Variants in NUPR1 observed in about 807,000 individuals in gnomAD.
The protein encoded by NUPR1 is nuclear protein 1.
In NUPR1, 8 loss-of-function variants were observed where a neutral mutation model predicts 7.3. The observed-to-expected ratio is 1.09, with a 90% CI of 0.64 to 1.97. NUPR1 has a LOEUF of 1.97. Among genes scored for constraint, NUPR1 ranks in the 30% most tolerant of loss-of-function variants. The pLI, the probability that NUPR1 is intolerant of heterozygous loss-of-function variation, is 0.00. For synonymous variants in NUPR1, 39 were observed against 44.5 expected (o/e 0.88, Z 0.49); for missense variants, 96 against 111.7 (o/e 0.86, Z 0.63).
chr16:28,538,133 G>A lies in NUPR1; in HGVS notation c.135C>T (p.Arg45=), dbSNP rs907247949. The A allele has an allele frequency of 1.2e-6, 2 of 1,614,088 alleles. No individual in the cohort carries two copies. The highest frequency in any genetic ancestry group is 2.7e-5 in the African/African-American group (2 of 74,932). Residue 45 remains arginine, a synonymous_variant, in exon 2 of 3, where the codon CGC becomes CGT. Transcript: ENST00000324873. ...TGTTGGCAGCAGCTTCTCTCTTGGT[G>A]CGACCTTTCCGGCCTCCACCTCCTG... is the stretch of plus-strand genomic sequence containing the variant. ...SYLGGGGRKG[R]TKREAAANTN... is the part of the protein sequence containing the mutation.
Position 28,532,937 on chromosome 16 carries a change from G to C in NUPR1, c.*4746C>G, listed in dbSNP as rs1296398120. 1 of 152,184 alleles carries C rather than the reference G, an allele frequency of 6.6e-6. No homozygotes were observed. Among genetic ancestry groups the C allele is most frequent in the African/African-American group, 2.4e-5 (1 of 41,446 alleles). 9.4% of individuals were successfully genotyped at this position (152,184 alleles called of 1,614,324 possible). A position where few individuals can be genotyped will look rare whatever the true frequency, so the allele number is the denominator to read the frequency against. On this transcript the variant is annotated 3_prime_UTR_variant, in exon 3 of 3. Transcript: ENST00000324873. Reference sequence around the variant, plus strand: ...AGTATGTCCTATTGGGTTATCGTAAGGATTAAATGGAGCAAAGCCTATAAA... The same window carrying C: ...AGTATGTCCTATTGGGTTATCGTAACGATTAAATGGAGCAAAGCCTATAAA...
At position 28,535,552 on chromosome 16, in the gene NUPR1, T is replaced by TTTCTTTCTTTCTTTCCTTCC. The variant is rs2046607794; in HGVS notation, c.*2130_*2131insGGAAGGAAAGAAAGAAAGAA. On this transcript the variant is annotated 3_prime_UTR_variant, in exon 3 of 3. Transcript: ENST00000324873. ...CTTTCTTTCTTTCTTTCCTTCTTTC[T>TTTCTTTCTTTCTTTCCTTCC]TTCTTTCTTTCCTTCCTTCCTTTCT... is the stretch of plus-strand genomic sequence containing the variant. 4 of 31,736 alleles carry TTTCTTTCTTTCTTTCCTTCC rather than the reference T, an allele frequency of 1.3e-4. No individual in the cohort carries two copies. Among genetic ancestry groups the TTTCTTTCTTTCTTTCCTTCC allele is most frequent in the African/African-American group, 3.1e-4 (4 of 12,858 alleles). 2.0% of individuals were successfully genotyped at this position (31,736 alleles called of 1,614,324 possible).
In NUPR1 at chr16:28,533,215, T is replaced by C. The variant is rs1304967444; in HGVS notation, c.*4468A>G. The stretch of plus-strand genomic sequence containing the variant: ...TCAGAAGGCATCCAATAAGCATTGA[T>C]TGAGTTAATATGTAACTTGTATGGA... On this transcript the variant is annotated 3_prime_UTR_variant, in exon 3 of 3. Transcript: ENST00000324873. 6.6e-6 allele frequency: 1 copy of C among 152,170 alleles called. No homozygotes were observed. The highest frequency in any genetic ancestry group is 6.6e-5 in the Admixed American group (1 of 15,250). 9.4% of individuals were successfully genotyped at this position (152,170 alleles called of 1,614,324 possible).
chr16:28,538,842 G>A lies in NUPR1; in HGVS notation c.66C>T (p.Ser22=). 1 of 1,613,248 alleles carries A rather than the reference G, an allele frequency of 6.2e-7. No homozygotes were observed. The highest frequency in any genetic ancestry group is 2.2e-5 in the East Asian group (1 of 44,818). The part of the protein sequence containing the change: ...QQPPGPEDED[S]SLDESDLYSL... ...TATAGAGGTCAGATTCATCCAGGCT[G>A]GAGTCCTCGTCCTCCGGGCCTGGGG... is the stretch of plus-strand genomic sequence containing the variant. The change falls in exon 1 of 3, where the codon TCC becomes TCT. Residue 22 remains serine (S), a synonymous_variant. Coordinates refer to ENST00000324873, the MANE Select transcript of NUPR1 (RefSeq NM_012385.3).
rs1555472555 is a variant in NUPR1, at chr16:28,535,571, C to CTTTCTTTCTTTCTTTCCTTCCTTTCTTT, written c.*2111_*2112insAAAGAAAGGAAGGAAAGAAAGAAAGAAA. On this transcript the variant is annotated 3_prime_UTR_variant, in exon 3 of 3. Transcript: ENST00000324873. ...TCTTTCTTTCTTTCTTTCCTTCCTT[C>CTTTCTTTCTTTCTTTCCTTCCTTTCTTT]CTTTCTTTCTTTCTTTCTTTCTTTC... The CTTTCTTTCTTTCTTTCCTTCCTTTCTTT allele has an allele frequency of 1.4e-5, 1 of 71,950 alleles. No homozygotes were observed. Among genetic ancestry groups the CTTTCTTTCTTTCTTTCCTTCCTTTCTTT allele is most frequent in the Non-Finnish European group, 2.6e-5 (1 of 38,506 alleles). 4.5% of individuals were successfully genotyped at this position (71,950 alleles called of 1,614,324 possible).
chr16:28,538,536 G>A (rs748128578), intron 1 of NUPR1: 40 of 614,314 alleles, frequency 6.5e-5, no homozygotes, highest in Non-Finnish European at 1.0e-4. Context: ...CACTGCAGGT[G>A]GTGTACACCT....
In NUPR1 at chr16:28,538,143, C is replaced by T. The variant is rs758872301; in HGVS notation, c.125G>A (p.Arg42Gln). The T allele has an allele frequency of 4.1e-5, 66 of 1,614,194 alleles. No homozygotes were observed. In the Admixed American group the frequency reaches 6.7e-4, roughly 16 times the overall value. Residue 42 changes from arginine to glutamine, a missense_variant, in exon 2 of 3, where the codon CGG becomes CAG. Physicochemically the swap from Arg to Gln is conservative, Grantham distance 43 (BLOSUM62 1). Coordinates refer to ENST00000324873, the MANE Select transcript of NUPR1 (RefSeq NM_012385.3). ...AGCTTCTCTCTTGGTGCGACCTTTCCGGCCTCCACCTCCTGTAACCAAGGC... is the reference window on the plus strand; with the variant it reads ...AGCTTCTCTCTTGGTGCGACCTTTCTGGCCTCCACCTCCTGTAACCAAGGC... ...LAHSYLGGGG[R>Q]KGRTKREAAA...
chr16:28,538,614 G>A (rs1265870806), intron 1 of NUPR1, 182 bp downstream of exon 1: 1 of 695,816 alleles, frequency 1.4e-6, no homozygotes. Context: ...AGGCTGCGGT[G>A]AGTTGTTTGA....
At chr16:28,538,651 C>T in intron 1 of NUPR1, 145 bp downstream of exon 1, 2 of 751,144 alleles carry the variant, frequency 2.7e-6, no homozygotes, top group Non-Finnish European at 4.8e-6. Context: ...TACTGCACTC[C>T]AGCCTGGGTG....
In NUPR1 at chr16:28,536,452, GGCAGAGGTTGCAGTGA is replaced by G. The variant is rs1326689616; in HGVS notation, c.*1215_*1230del. On this transcript the variant is annotated 3_prime_UTR_variant, in exon 3 of 3. Transcript: ENST00000324873. Reference sequence around the variant, plus strand: ...GCACGAGAATTGCTTGAACCCGGGAGGCAGAGGTTGCAGTGAGCCAAGATGGTGCCACTGCACTCTA... The same window carrying G: ...GCACGAGAATTGCTTGAACCCGGGAGGCCAAGATGGTGCCACTGCACTCTA... The G allele has an allele frequency of 6.6e-6, 1 of 152,242 alleles. No individual in the cohort carries two copies. Among genetic ancestry groups the G allele is most frequent in the Non-Finnish European group, 1.5e-5 (1 of 68,148 alleles). The allele number at this position is 152,242 out of a possible 1,614,324, so 9.4% of individuals were successfully genotyped here.
chr16:28,535,571 C>CCTTCCTTTCTTCCTTT lies in NUPR1; in HGVS notation c.*2111_*2112insAAAGGAAGAAAGGAAG, dbSNP rs71140975. 1 of 71,886 alleles carries CCTTCCTTTCTTCCTTT rather than the reference C, an allele frequency of 1.4e-5. No individual in the cohort carries two copies. Among genetic ancestry groups the CCTTCCTTTCTTCCTTT allele is most frequent in the Non-Finnish European group, 2.6e-5 (1 of 38,512 alleles). The allele number at this position is 71,886 out of a possible 1,614,324, so 4.5% of individuals were successfully genotyped here. A position where few individuals can be genotyped will look rare whatever the true frequency, so the allele number is the denominator to read the frequency against. The stretch of plus-strand genomic sequence containing the variant: ...TCTTTCTTTCTTTCTTTCCTTCCTT[C>CCTTCCTTTCTTCCTTT]CTTTCTTTCTTTCTTTCTTTCTTTC... On this transcript the variant is annotated 3_prime_UTR_variant, in exon 3 of 3. Transcript: ENST00000324873.
In NUPR1 at chr16:28,538,072, GTT is replaced by G; in HGVS notation, c.194_195del (p.Lys65ThrfsTer24). On this transcript the variant is annotated frameshift_variant, in exon 2 of 3. Transcript: ENST00000324873. LOFTEE classifies it high-confidence loss of function. ...TCTGAATTCTGCAGCTTGGTCACCA[GTT>G]TCCTCTCGTGCCCGCCAGGGCTGGG... Reference protein sequence around the residue: ...NRPSPGGHERKLVTKLQNSER... With the variant: ...NRPSPGGHERXLVTKLQNSER... The G allele has an allele frequency of 6.2e-7, 1 of 1,614,146 alleles. No individual in the cohort carries two copies. Among genetic ancestry groups the G allele is most frequent in the Non-Finnish European group, 8.5e-7 (1 of 1,180,032 alleles).
At chr16:28,538,209 C>A (rs771949373) in intron 1 of NUPR1, 54 bp from the exon 2 acceptor site, 1 of 1,612,048 alleles carries the variant, frequency 6.2e-7, no homozygotes, top group Admixed American at 1.7e-5. Context: ...GATGAGAGGC[C>A]CTGTCAGAGG....
In NUPR1 at chr16:28,536,147, G is replaced by A. The variant is rs1454432114; in HGVS notation, c.*1536C>T. ...AGGTGGGTGGATCATGAGGTCAAGA[G>A]ATTGAGACCATCCTGGCCAACATGG... On this transcript the variant is annotated 3_prime_UTR_variant, in exon 3 of 3. Coordinates refer to ENST00000324873, the MANE Select transcript of NUPR1 (RefSeq NM_012385.3). 6.6e-6 allele frequency: 1 copy of A among 152,200 alleles called. No homozygotes were observed. Among genetic ancestry groups the A allele is most frequent in the East Asian group, 1.9e-4 (1 of 5,156 alleles). The allele number at this position is 152,200 out of a possible 1,614,324, so 9.4% of individuals were successfully genotyped here.
rs1555472555 is a variant in NUPR1, at chr16:28,535,571, C to CTTTTCTTTCTTTCTTTCTTTT, written c.*2111_*2112insAAAAGAAAGAAAGAAAGAAAA. ...TCTTTCTTTCTTTCTTTCCTTCCTT[C>CTTTTCTTTCTTTCTTTCTTTT]CTTTCTTTCTTTCTTTCTTTCTTTC... is the stretch of plus-strand genomic sequence containing the variant. On this transcript the variant is annotated 3_prime_UTR_variant, in exon 3 of 3. Transcript: ENST00000324873. The CTTTTCTTTCTTTCTTTCTTTT allele has an allele frequency of 1.1e-4, 8 of 71,886 alleles. No individual in the cohort carries two copies. The highest frequency in any genetic ancestry group is 1.8e-4 in the Non-Finnish European group (7 of 38,512). The allele number at this position is 71,886 out of a possible 1,614,324, so 4.5% of individuals were successfully genotyped here. A position where few individuals can be genotyped will look rare whatever the true frequency, so the allele number is the denominator to read the frequency against.
rs1346466508 is a variant in NUPR1 at position 28,535,544 on chromosome 16, C to CTTCTTTCT, written c.*2131_*2138dup. ...CTTTCTTTCTTTCTTTCTTTCTTTC[C>CTTCTTTCT]TTCTTTCTTTCTTTCTTTCCTTCCT... On this transcript the variant is annotated 3_prime_UTR_variant, in exon 3 of 3. Transcript: ENST00000324873. 1.7e-5 allele frequency: 1 copy of CTTCTTTCT among 58,174 alleles called. No homozygotes were observed. Among genetic ancestry groups the CTTCTTTCT allele is most frequent in the South Asian group, 6.0e-4 (1 of 1,676 alleles). The allele number at this position is 58,174 out of a possible 1,614,324, so 3.6% of individuals were successfully genotyped here. A position where few individuals can be genotyped will look rare whatever the true frequency, so the allele number is the denominator to read the frequency against.
In NUPR1 at chr16:28,534,791, T is replaced by C. The variant is rs2151632984; in HGVS notation, c.*2892A>G. 1 of 152,308 alleles carries C rather than the reference T, an allele frequency of 6.6e-6. No homozygotes were observed. Among genetic ancestry groups the C allele is most frequent in the Non-Finnish European group, 1.5e-5 (1 of 68,042 alleles). 9.4% of individuals were successfully genotyped at this position (152,308 alleles called of 1,614,324 possible). On this transcript the variant is annotated 3_prime_UTR_variant, in exon 3 of 3. Coordinates refer to ENST00000324873, the MANE Select transcript of NUPR1 (RefSeq NM_012385.3). ...CCTCCTCTGTCTCTTCCACACTCTT[T>C]CCACAGGCTGAGATGCAAACGTGAT...
At position 28,535,580 on chromosome 16, in the gene NUPR1, CTT is replaced by C. The variant is rs747608986; in HGVS notation, c.*2101_*2102del. On this transcript the variant is annotated 3_prime_UTR_variant, in exon 3 of 3. Transcript: ENST00000324873. ...CTTTCTTTCCTTCCTTCCTTTCTTT[CTT>C]TCTTTCTTTCTTTCTTTCTTTCTTT... The C allele has an allele frequency of 2.8e-5, 1 of 35,136 alleles. No homozygotes were observed. Among genetic ancestry groups the C allele is most frequent in the African/African-American group, 1.7e-4 (1 of 5,966 alleles). The allele number at this position is 35,136 out of a possible 1,614,324, so 2.2% of individuals were successfully genotyped here.
intron 1 of NUPR1, 41 bp downstream of exon 1, chr16:28,538,755 G>A: frequency 6.8e-7 from 1 of 1,461,274 alleles, no homozygotes. Flanking sequence ...CTGATTTCGG[G>A]AGAGGAGGAA....
Sources: allele counts gnomAD v4.1 joint callset, GRCh38; gene constraint gnomAD v4.1.1; transcripts MANE v1.5; gene names NCBI Gene and HGNC (gene_info 2026-07-23, HGNC 2026-07-21).